Variants in NLGN1 observed in about 807,000 individuals in gnomAD.
NLGN1 encodes neuroligin-1.
Under a neutral mutation model 65.5 loss-of-function variants are expected in NLGN1, and 12 were observed. The observed-to-expected ratio is 0.18, with a 90% CI of 0.12 to 0.30. The LOEUF is 0.30. Ranked by LOEUF, NLGN1 falls within the 10% of genes least tolerant of loss-of-function variation. The probability of loss-of-function intolerance (pLI) is 1.00; values close to 1 mark genes in which losing one functional copy is unlikely to be tolerated. For missense variants in NLGN1, 750 were observed against 1,007.1 expected, an observed-to-expected ratio of 0.74 and a Z score of 3.46; for synonymous variants, 350 against 359.5, an observed-to-expected ratio of 0.97 and a Z score of 0.30.
At chr3:173,433,290 A>G (rs1208642885) in intron 1 of NLGN1, among the ~76,000 whole-genome samples, 1 of 152,054 alleles carries the variant, frequency 6.6e-6, no homozygotes, top group Admixed American at 6.5e-5. Flanking sequence ...TGAACAGTCT[A>G]TGTCTGAACT....
chr3:174,136,439 G>C (rs1721228839), intron 4 of NLGN1: 1 of 152,100 alleles, frequency 6.6e-6, no homozygotes, highest in South Asian at 2.1e-4. Flanking sequence ...TAAGATATAG[G>C]AGAAAATTGA....
intron 3 of NLGN1, among the ~76,000 whole-genome samples, chr3:173,747,258 AAT>A (rs904454466): frequency 2.1e-5 from 3 of 145,474 alleles, no homozygotes; most frequent in South Asian, 2.1e-4. Context: ...TATATATTTA[AAT>A]ATATATATCT....
chr3:173,447,045 C>G (rs1190306083), intron 2 of NLGN1, among the ~76,000 whole-genome samples: 1 of 152,142 alleles, frequency 6.6e-6, no homozygotes, highest in African/African-American at 2.4e-5. Flanking sequence ...GTTTCTTTTG[C>G]TGTGCAGAAG....
intron 4 of NLGN1, among the ~76,000 whole-genome samples, chr3:174,233,401 G>A (rs957967766): frequency 5.9e-5 from 9 of 151,826 alleles, no homozygotes; most frequent in South Asian, 2.1e-4. Context: ...CGGGAGAATC[G>A]CTTGAACCCG....
At chr3:173,873,817 A>T (rs183982761) in intron 4 of NLGN1, among the ~76,000 whole-genome samples, 5 of 152,298 alleles carry the variant, frequency 3.3e-5, no homozygotes, top group African/African-American at 7.2e-5. Context: ...TTCCCAAAAA[A>T]GTCATATGTT....
intron 4 of NLGN1, among the ~76,000 whole-genome samples, chr3:173,885,255 A>C (rs1734118825): frequency 6.6e-6 from 1 of 152,140 alleles, no homozygotes; most frequent in Non-Finnish European, 1.5e-5. Flanking sequence ...TTTTATAATC[A>C]AATCTGCACA....
chr3:173,832,417 G>A (rs1401331670), intron 4 of NLGN1, among the ~76,000 whole-genome samples: 1 of 152,104 alleles, frequency 6.6e-6, no homozygotes. Flanking sequence ...ATACAGGATT[G>A]ATATTCTTTT....
At chr3:173,932,394 G>C (rs1489060352) in intron 4 of NLGN1, among the ~76,000 whole-genome samples, 1 of 151,920 alleles carries the variant, frequency 6.6e-6, no homozygotes, top group Non-Finnish European at 1.5e-5. Flanking sequence ...GAAATGTTCT[G>C]ATATGATTAA....
chr3:173,446,725 G>A (rs1327782163), intron 2 of NLGN1, among the ~76,000 whole-genome samples: 1 of 152,178 alleles, frequency 6.6e-6, no homozygotes, highest in Non-Finnish European at 1.5e-5. Context: ...TCCAGCACCT[G>A]TTGTTTCCTG....
intron 1 of NLGN1, among the ~76,000 whole-genome samples, chr3:173,401,533 G>T (rs1013946969): frequency 6.6e-5 from 10 of 151,174 alleles, no homozygotes; most frequent in Admixed American, 6.6e-4. Flanking sequence ...AGGCTTCTCT[G>T]AGCATTGTGT....
At chr3:173,792,997 T>G (rs949311020) in intron 3 of NLGN1, among the ~76,000 whole-genome samples, 3 of 152,174 alleles carry the variant, frequency 2.0e-5, no homozygotes, top group African/African-American at 4.8e-5. Context: ...AAGTAAGCCT[T>G]TAGGTTTTTA....
chr3:173,931,945 A>G (rs978005298), intron 4 of NLGN1, among the ~76,000 whole-genome samples: 5 of 152,082 alleles, frequency 3.3e-5, no homozygotes, highest in African/African-American at 1.2e-4. Context: ...TGGATGAGAG[A>G]TGCGTCAGAA....
chr3:173,633,539 T>C (rs1756088678), intron 3 of NLGN1, among the ~76,000 whole-genome samples: 1 of 152,162 alleles, frequency 6.6e-6, no homozygotes, highest in Non-Finnish European at 1.5e-5. Context: ...TTTGGTGGCC[T>C]AGAAGTTCAC....
intron 3 of NLGN1, among the ~76,000 whole-genome samples, chr3:173,615,578 T>C (rs1317402564): frequency 6.6e-6 from 1 of 152,112 alleles, no homozygotes; most frequent in East Asian, 1.9e-4. Flanking sequence ...TTCCCCATAA[T>C]AAAACATTTA....
chr3:173,869,417 T>C (rs1257427316), intron 4 of NLGN1, among the ~76,000 whole-genome samples: 1 of 152,214 alleles, frequency 6.6e-6, no homozygotes, highest in African/African-American at 2.4e-5. Flanking sequence ...TTTTGGATTG[T>C]ATATGCATGC....
chr3:174,079,341 C>T (rs145454824), intron 4 of NLGN1, among the ~76,000 whole-genome samples: 33 of 152,096 alleles, frequency 2.2e-4, no homozygotes, highest in Non-Finnish European at 2.6e-4. Context: ...AAATGAGATA[C>T]GATCTCACAC....
chr3:174,206,789 T>G (rs2152783525), intron 4 of NLGN1, among the ~76,000 whole-genome samples: 1 of 152,294 alleles, frequency 6.6e-6, no homozygotes, highest in Admixed American at 6.5e-5. Context: ...GTTCCTGTCA[T>G]TGTGAAACTG....
intron 4 of NLGN1, among the ~76,000 whole-genome samples, chr3:173,876,765 A>C (rs191255629): frequency 6.6e-6 from 1 of 152,340 alleles, no homozygotes; most frequent in Non-Finnish European, 1.5e-5. Flanking sequence ...ACAAAAACAT[A>C]AAATAAGCAA....
intron 4 of NLGN1, among the ~76,000 whole-genome samples, chr3:174,261,435 C>G (rs1320447017): frequency 2.7e-5 from 4 of 148,894 alleles, no homozygotes; most frequent in Admixed American, 1.4e-4. Context: ...GTATTTTATT[C>G]TCTTGGAAGC....
Sources: gnomAD v4.1 joint callset for allele counts (sites outside exome capture counted in the v4.1 genomes callset) on GRCh38, gnomAD v4.1.1 for gene constraint, MANE v1.5 for transcripts, NCBI Gene and HGNC (gene_info 2026-07-23, HGNC 2026-07-21) for gene names.